Variants in HTR1D observed in about 807,000 individuals in gnomAD.
HTR1D encodes the protein 5-HT-1D.
In HTR1D, 18 loss-of-function variants were observed where a neutral mutation model predicts 21.1. The observed-to-expected ratio is 0.85, with a 90% confidence interval of 0.59 to 1.27. HTR1D has a LOEUF of 1.27. HTR1D is among the 50% of genes most tolerant of loss of function. HTR1D has a pLI of 0.00. For missense variants in HTR1D, 456 were observed against 481.4 expected, an observed-to-expected ratio of 0.95 and a Z score of 0.49; for synonymous variants, 196 against 204.4, an observed-to-expected ratio of 0.96 and a Z score of 0.35.
chr1:23,212,148 A>T (rs1644755848), intron 1 of HTR1D, among the ~76,000 whole-genome samples: 1 of 151,952 alleles, frequency 6.6e-6, no homozygotes, highest in Non-Finnish European at 1.5e-5. Flanking sequence ...TGCGCAGGCT[A>T]TTCCCTCTAT....
chr1:23,210,724 T>TC (rs1051450168), intron 1 of HTR1D, among the ~76,000 whole-genome samples: 19 of 151,526 alleles, frequency 1.3e-4, no homozygotes, highest in African/African-American at 3.1e-4. Context: ...TTTTCAAGTC[T>TC]CCCCCCCAGC....
chr1:23,207,696 A>C (rs1362583419), intron 1 of HTR1D, among the ~76,000 whole-genome samples: 1 of 151,856 alleles, frequency 6.6e-6, no homozygotes, highest in East Asian at 1.9e-4. Flanking sequence ...GGATCTCTAC[A>C]AGTCTTCAAC....
intron 1 of HTR1D, among the ~76,000 whole-genome samples, chr1:23,211,364 G>A (rs1569767567): frequency 6.6e-6 from 1 of 152,182 alleles, no homozygotes; most frequent in East Asian, 1.9e-4. Context: ...GGGCATGCAG[G>A]GAGCTATGGG....
intron 1 of HTR1D, among the ~76,000 whole-genome samples, chr1:23,198,365 C>CAAAA (rs58589973): frequency 2.3e-5 from 2 of 87,508 alleles, no homozygotes; most frequent in African/African-American, 4.6e-5. Flanking sequence ...GACTCCGTCT[C>CAAAA]AAAAAAAAAA....
At chr1:23,212,429 G>A (rs1557728852) in intron 1 of HTR1D, among the ~76,000 whole-genome samples, 2 of 152,154 alleles carry the variant, frequency 1.3e-5, no homozygotes, top group South Asian at 4.1e-4. Context: ...TCAAGACCAA[G>A]TTTAACTCTC....
chr1:23,200,579 G>A (rs941239375), intron 1 of HTR1D, among the ~76,000 whole-genome samples: 1 of 151,920 alleles, frequency 6.6e-6, no homozygotes, highest in African/African-American at 2.4e-5. Context: ...TCCCTGTGTC[G>A]CCCAGGCTGG....
chr1:23,205,922 C>T (rs1045030499), intron 1 of HTR1D, among the ~76,000 whole-genome samples: 1 of 152,230 alleles, frequency 6.6e-6, no homozygotes, highest in African/African-American at 2.4e-5. Flanking sequence ...TCCCCCTCCA[C>T]TCCCACTGCC....
chr1:23,196,442 CAAAAA>C (rs560936417), intron 1 of HTR1D, among the ~76,000 whole-genome samples: 1 of 118,466 alleles, frequency 8.4e-6, no homozygotes, highest in African/African-American at 3.2e-5. Context: ...GAAACTCTGC[CAAAAA>C]AAAAAAAAAA....
At chr1:23,199,139 G>A (rs1449299788) in intron 1 of HTR1D, among the ~76,000 whole-genome samples, 1 of 151,398 alleles carries the variant, frequency 6.6e-6, no homozygotes, top group Non-Finnish European at 1.5e-5. Flanking sequence ...TTTGAGAAAG[G>A]GTCTCACTCT....
intron 1 of HTR1D, among the ~76,000 whole-genome samples, chr1:23,211,661 T>G (rs201736005): frequency 7.0e-6 from 1 of 141,926 alleles, no homozygotes; most frequent in Admixed American, 7.0e-5. Context: ...ATGTATGTAT[T>G]TTTATTTATT....
intron 1 of HTR1D, among the ~76,000 whole-genome samples, chr1:23,216,389 G>A (rs1304512582): frequency 2.0e-5 from 3 of 152,238 alleles, no homozygotes; most frequent in Admixed American, 2.0e-4. Flanking sequence ...CTTCATATGG[G>A]AGGAAACCAC....
chr1:23,197,720 T>TAA (rs772773332), intron 1 of HTR1D, among the ~76,000 whole-genome samples: 8 of 114,210 alleles, frequency 7.0e-5, no homozygotes, highest in African/African-American at 1.6e-4. Context: ...AGACTCTACC[T>TAA]AAAAAAAAAA....
Position 23,193,444 on chromosome 1 carries a change from C to G in HTR1D, c.776G>C (p.Ser259Thr). Residue 259 changes from serine (S) to threonine (T), a missense_variant, in exon 2 of 2, where the codon AGC becomes ACC. Coordinates refer to ENST00000374619, the MANE Select transcript of HTR1D (RefSeq NM_000864.5). ...CGAGTGCGAGTGCCCCTCATGGAGG[C>G]TGGAGTTGAGCGAGCAGAGCGAGGA... ...AGSSLCSLNS[S>T]LHEGHSHSAG... is the part of the protein sequence containing the mutation. 6.2e-7 allele frequency: 1 copy of G among 1,614,168 alleles called. No homozygotes were observed. The highest frequency in any genetic ancestry group is 2.2e-5 in the East Asian group (1 of 44,876).
intron 1 of HTR1D, among the ~76,000 whole-genome samples, chr1:23,196,452 A>AG (rs1213248462): frequency 6.6e-6 from 1 of 151,712 alleles, no homozygotes; most frequent in African/African-American, 2.4e-5. Context: ...CAAAAAAAAA[A>AG]AAAAAGAAGG....
At chr1:23,202,065 C>A (rs745921237) in intron 1 of HTR1D, among the ~76,000 whole-genome samples, 2 of 151,760 alleles carry the variant, frequency 1.3e-5, no homozygotes, top group Non-Finnish European at 2.9e-5. Flanking sequence ...TTTTATTTTT[C>A]GTGGTTTTTT....
At position 23,193,013 on chromosome 1, in the gene HTR1D, A is replaced by AT. The variant is rs202223945; in HGVS notation, c.*72dup. On this transcript the variant is annotated 3_prime_UTR_variant, in exon 2 of 2. Transcript: ENST00000374619. Reference sequence around the variant, plus strand: ...GAATTAATCCAAGTCTCAGAAAATAATTAAAAAAAAAAAAGACAATCCCGA... The same window carrying AT: ...GAATTAATCCAAGTCTCAGAAAATAATTTAAAAAAAAAAAAGACAATCCCGA... 54,422 of 924,512 alleles carry AT rather than the reference A, an allele frequency of 0.059. 1,010 individuals carry two copies. The highest frequency in any genetic ancestry group is 0.1 in the South Asian group (5,290 of 50,500). 57.3% of individuals were successfully genotyped at this position (924,512 alleles called of 1,614,324 possible).
intron 1 of HTR1D, among the ~76,000 whole-genome samples, chr1:23,199,937 C>A (rs765664339): frequency 1.7e-4 from 26 of 152,104 alleles, no homozygotes; most frequent in African/African-American, 6.3e-4. Flanking sequence ...AGTTCCTGAC[C>A]TCAGGTGATC....
Position 23,194,184 on chromosome 1 carries a change from G to A in HTR1D, c.36C>T (p.Pro12=). Residue 12 remains proline, a synonymous_variant, in exon 2 of 2, where the codon CCC becomes CCT. Transcript: ENST00000374619. ...TCAGGGATCTGTTGGAGGCCTCCTG[G>A]GGAAGGCCTTCTGCTGACTGGTTCA... ...SPLNQSAEGL[P]QEASNRSLNA... is the part of the protein sequence containing the mutation. 1.2e-6 allele frequency: 2 copies of A among 1,613,922 alleles called. No individual in the cohort carries two copies. The highest frequency in any genetic ancestry group is 1.7e-6 in the Non-Finnish European group (2 of 1,179,918).
In HTR1D at chr1:23,217,301, G is replaced by A. The variant is rs967773778; in HGVS notation, c.-793C>T. ...GCCCCGAGAGCTTACCCGCTGCCCG[G>A]CGGGCAGGTGCGCACACCCGGCGTA... is the stretch of plus-strand genomic sequence containing the variant. On this transcript the variant is annotated 5_prime_UTR_variant, in exon 1 of 2. Coordinates refer to ENST00000374619, the MANE Select transcript of HTR1D (RefSeq NM_000864.5). The surrounding 1 kb of genome is among the most constrained non-coding windows in gnomAD (Gnocchi z 4.6). Among the ~76,000 whole-genome samples, 50 of 151,650 alleles carry A rather than the reference G, an allele frequency of 3.3e-4. No homozygotes were observed. Among genetic ancestry groups the A allele is most frequent in the African/African-American group, 1.2e-3 (49 of 41,350 alleles).
Sources: gnomAD v4.1 joint callset for allele counts (sites outside exome capture counted in the v4.1 genomes callset) on GRCh38, gnomAD v4.1.1 for gene constraint, Gnocchi (gnomAD v3.1) non-coding constraint, MANE v1.5 for transcripts, NCBI Gene and HGNC (gene_info 2026-07-23, HGNC 2026-07-21) for gene names.